The following STOX2 variants were observed in gnomAD, a reference collection of about 807,000 sequenced individuals.
STOX2 encodes storkhead-box protein 2.
Under a neutral mutation model 60.9 loss-of-function variants are expected in STOX2, and 28 were observed. The ratio of observed to expected loss-of-function variants is 0.46; its 90% CI spans 0.34 to 0.63. The LOEUF (loss-of-function observed/expected upper bound fraction) is 0.63. Among genes scored for constraint, STOX2 ranks in the 30% least tolerant of loss-of-function variants. The pLI is 0.01. For missense variants in STOX2, 1,024 were observed against 1,187.7 expected (o/e 0.86, Z 2.03); for synonymous variants, 472 against 463.9 (o/e 1.02, Z -0.22).
chr4:183,951,446 T>C (rs199769259), intron 1 of STOX2, among the ~76,000 whole-genome samples: 1,017 of 26,420 alleles, frequency 0.038, 11 homozygotes, highest in African/African-American at 0.11. Flanking sequence ...CTCTCTCTCT[T>C]TTTTTTTTTT....
At chr4:183,847,639 C>G (rs576048697) in intron 1 of STOX2, among the ~76,000 whole-genome samples, 14 of 152,318 alleles carry the variant, frequency 9.2e-5, no homozygotes, top group African/African-American at 3.4e-4. Flanking sequence ...CACAATCGAA[C>G]TGGATAGGAG....
chr4:184,007,015 C>CAAAAAAAAA (rs61393267), intron 2 of STOX2, among the ~76,000 whole-genome samples: 17 of 52,742 alleles, frequency 3.2e-4, no homozygotes, highest in African/African-American at 6.0e-4. Context: ...GACTCTGTCT[C>CAAAAAAAAA]AAAAAAAAAA....
At chr4:183,851,444 G>A (rs868443333) in intron 1 of STOX2, among the ~76,000 whole-genome samples, 6 of 50,328 alleles carry the variant, frequency 1.2e-4, no homozygotes, top group South Asian at 1.2e-3. Context: ...AAAGGATGAG[G>A]GAAAGGATGA....
At chr4:183,799,122 A>G (rs967549252) in intron 1 of STOX2, among the ~76,000 whole-genome samples, 6 of 152,190 alleles carry the variant, frequency 3.9e-5, no homozygotes, top group African/African-American at 1.4e-4. Flanking sequence ...ATGTGACGCC[A>G]TCTATGCGTG....
At chr4:183,877,761 A>G (rs573343297) in intron 1 of STOX2, among the ~76,000 whole-genome samples, 4 of 152,080 alleles carry the variant, frequency 2.6e-5, no homozygotes, top group East Asian at 1.9e-4. Context: ...GCTTACTGCA[A>G]CCTCTACCTC....
At chr4:183,874,981 AT>A (rs1560857894) in intron 1 of STOX2, among the ~76,000 whole-genome samples, 1,411 of 106,174 alleles carry the variant, frequency 0.013, 26 homozygotes, top group South Asian at 0.018. Flanking sequence ...ATATATATAT[AT>A]ATATATATAT....
At position 183,865,503 on chromosome 4, in the gene STOX2, G is replaced by A. The variant is rs1430357255; in HGVS notation, c.364+67448G>A. 6.6e-6 allele frequency among the ~76,000 whole-genome samples: 1 copy of A among 152,188 alleles called. No individual in the cohort carries two copies. Among genetic ancestry groups the A allele is most frequent in the Non-Finnish European group, 1.5e-5 (1 of 68,040 alleles). On this transcript the variant is annotated intron_variant, in intron 1 of 2. Transcript: ENST00000513034. This position sits in a 1 kb window ranked among gnomAD's most constrained non-coding sequence, Gnocchi z 4.1. ...AATGAGCTTACGGTCTGTTTGGGGAGATAAGTATTATAATACAATTTAATA... is the reference window on the plus strand; with the variant it reads ...AATGAGCTTACGGTCTGTTTGGGGAAATAAGTATTATAATACAATTTAATA...
intron 1 of STOX2, among the ~76,000 whole-genome samples, chr4:183,874,518 C>T (rs1315868800): frequency 1.3e-5 from 2 of 152,096 alleles, no homozygotes; most frequent in Non-Finnish European, 2.9e-5. Flanking sequence ...TGAGCTTTTA[C>T]CTTTGTTGTG....
intron 1 of STOX2, among the ~76,000 whole-genome samples, chr4:183,889,622 G>A (rs1865545): frequency 0.011 from 1,616 of 152,350 alleles, 24 homozygotes; most frequent in African/African-American, 0.037. Context: ...CTGAGCCTCC[G>A]TGAAGGAGGC....
rs549307562 is a variant in STOX2 at position 184,022,742 on chromosome 4, A to G, written c.*5458A>G. 2 of 152,008 alleles carry G rather than the reference A, an allele frequency of 1.3e-5. No homozygotes were observed. The highest frequency in any genetic ancestry group is 2.4e-5 in the African/African-American group (1 of 41,440). The allele number at this position is 152,008 out of a possible 1,614,324, so 9.4% of individuals were successfully genotyped here. ...AGTTCCGGGAAACTAATCATGAAGT[A>G]CACATGCAGCAGCTCCTCCACTTCC... On this transcript the variant is annotated 3_prime_UTR_variant, in exon 4 of 4. Transcript: ENST00000308497.
At chr4:183,919,035 C>T (rs139043774) in intron 1 of STOX2, among the ~76,000 whole-genome samples, 4 of 152,288 alleles carry the variant, frequency 2.6e-5, no homozygotes, top group African/African-American at 7.2e-5. Flanking sequence ...AAAACCAAAA[C>T]GGTACGAAGT....
intron 1 of STOX2, among the ~76,000 whole-genome samples, chr4:183,841,772 T>C (rs776290078): frequency 5.9e-5 from 9 of 152,354 alleles, no homozygotes; most frequent in South Asian, 2.1e-4. Flanking sequence ...GAATTTCTTA[T>C]TGGATGAATG....
At chr4:183,886,649 G>C (rs1741091552) in intron 1 of STOX2, among the ~76,000 whole-genome samples, 1 of 152,200 alleles carries the variant, frequency 6.6e-6, no homozygotes, top group Non-Finnish European at 1.5e-5. Context: ...CCTGGAGTAA[G>C]ATGCAAGTAG....
At position 183,877,851 on chromosome 4, in the gene STOX2, T is replaced by G. The variant is rs189042300; in HGVS notation, c.364+79796T>G. ...GCCTGCCACCACACCTGACTAATTT[T>G]TTTTTTCTTTTTACTTTTAGTAGAG... On this transcript the variant is annotated intron_variant, in intron 1 of 2. Coordinates refer to the STOX2 transcript ENST00000513034. Among the ~76,000 whole-genome samples, 91 of 152,188 alleles carry G rather than the reference T, an allele frequency of 6.0e-4. No individual in the cohort carries two copies. In the Middle Eastern group the frequency reaches 0.017, roughly 28 times the overall value.
At chr4:183,890,638 C>CCAATGT (rs1741187756) in intron 1 of STOX2, among the ~76,000 whole-genome samples, 1 of 150,706 alleles carries the variant, frequency 6.6e-6, no homozygotes, top group Non-Finnish European at 1.5e-5. Flanking sequence ...GCAACTCAAA[C>CCAATGT]CTGTGAGCCA....
At chr4:183,874,857 C>T (rs71638110) in intron 1 of STOX2, among the ~76,000 whole-genome samples, 10 of 130,874 alleles carry the variant, frequency 7.6e-5, no homozygotes, top group African/African-American at 1.5e-4. Flanking sequence ...ACCCAGGAGG[C>T]GGAGCTTGCA....
At chr4:183,941,614 G>A (rs1742755966) in intron 1 of STOX2, among the ~76,000 whole-genome samples, 1 of 152,102 alleles carries the variant, frequency 6.6e-6, no homozygotes, top group Non-Finnish European at 1.5e-5. Flanking sequence ...TGGGGTGGGG[G>A]TTGTATACCT....
At chr4:183,960,441 G>A (rs969705973) in intron 1 of STOX2, among the ~76,000 whole-genome samples, 2 of 152,140 alleles carry the variant, frequency 1.3e-5, no homozygotes, top group Non-Finnish European at 1.5e-5. Flanking sequence ...ATGTGCATGT[G>A]TATATTATAG....
At chr4:183,799,121 C>T (rs1738702109) in intron 1 of STOX2, among the ~76,000 whole-genome samples, 1 of 152,160 alleles carries the variant, frequency 6.6e-6, no homozygotes, top group Admixed American at 6.5e-5. Context: ...GATGTGACGC[C>T]ATCTATGCGT....
Sources: gnomAD v4.1 joint callset for allele counts (sites outside exome capture counted in the v4.1 genomes callset) on GRCh38, gnomAD v4.1.1 for gene constraint, Gnocchi (gnomAD v3.1) non-coding constraint, MANE v1.5 for transcripts, NCBI Gene and HGNC (gene_info 2026-07-23, HGNC 2026-07-21) for gene names.